Variants in FBXL3 observed in about 807,000 individuals in gnomAD.
The protein encoded by FBXL3 is F-box and leucine rich repeat protein 3.
In FBXL3, 14 loss-of-function variants were observed where a neutral mutation model predicts 37.9. That is an observed-to-expected ratio of 0.37 (90% CI 0.24 to 0.58). The LOEUF (loss-of-function observed/expected upper bound fraction) is 0.58. FBXL3 is among the 20% of genes least tolerant of loss of function. The pLI, the probability that FBXL3 is intolerant of heterozygous loss-of-function variation, is 0.74. For synonymous variants in FBXL3, 194 were observed against 180.1 expected, an observed-to-expected ratio of 1.08 and a Z score of -0.62; for missense variants, 327 against 511.1, an observed-to-expected ratio of 0.64 and a Z score of 3.47.
At chr13:77,019,335 G>A (rs1436784485) in intron 2 of FBXL3, among the ~76,000 whole-genome samples, 2 of 151,502 alleles carry the variant, frequency 1.3e-5, no homozygotes, top group East Asian at 2.0e-4. Flanking sequence ...CCTAAGGGAA[G>A]GATAAAGGGC....
chr13:77,018,350 TTTCTTTTAA>T, intron 3 of FBXL3: 1 of 259,186 alleles, frequency 3.9e-6, no homozygotes, highest in South Asian at 1.5e-4. Context: ...ACTTACTGAA[TTTCTTTTAA>T]TACTTCCTAT....
At position 77,006,738 on chromosome 13, in the gene FBXL3, G is replaced by T; in HGVS notation, c.*407C>A. ...GAGCTATATTAAACACCTTATAACA[G>T]GTGTATGTGTAACTGAAGACCCTAA... On this transcript the variant is annotated 3_prime_UTR_variant, in exon 5 of 5. Coordinates refer to ENST00000355619, the MANE Select transcript of FBXL3 (RefSeq NM_012158.4). 1 of 858,394 alleles carries T rather than the reference G, an allele frequency of 1.2e-6. No individual in the cohort carries two copies. The highest frequency in any genetic ancestry group is 1.4e-6 in the Non-Finnish European group (1 of 708,686). 53.2% of individuals were successfully genotyped at this position (858,394 alleles called of 1,614,324 possible).
At chr13:77,019,397 T>C (rs2034701760) in intron 2 of FBXL3, among the ~76,000 whole-genome samples, 1 of 152,234 alleles carries the variant, frequency 6.6e-6, no homozygotes, top group Non-Finnish European at 1.5e-5. Context: ...AAAAGTTAGT[T>C]GTTTCCTGGG....
In FBXL3 at chr13:77,015,068, A is replaced by C. The variant is rs534409108; in HGVS notation, c.643+341T>G. 37 of 159,926 alleles carry C rather than the reference A, an allele frequency of 2.3e-4. No individual in the cohort carries two copies. The East Asian group carries it at 6.2e-3, about 27-fold the overall frequency. The allele number at this position is 159,926 out of a possible 1,614,324, so 9.9% of individuals were successfully genotyped here. A position where few individuals can be genotyped will look rare whatever the true frequency, so the allele number is the denominator to read the frequency against. ...AATTATGTGACTGCTCTGACTCAAA[A>C]TCTACCCTATTAGCTCAACTACAAT... On this transcript the variant is annotated intron_variant, in intron 4 of 4. Transcript: ENST00000355619.
At position 77,005,693 on chromosome 13, in the gene FBXL3, C is replaced by T. The variant is rs939254027; in HGVS notation, c.*1452G>A. ...TTGCTTTATTCTTAAGAAGGCCATC[C>T]GTTTTAAAAGTAGATCTAAGACTGT... On this transcript the variant is annotated 3_prime_UTR_variant, in exon 5 of 5. Transcript: ENST00000355619. 1 of 151,998 alleles carries T rather than the reference C, an allele frequency of 6.6e-6. No homozygotes were observed. Among genetic ancestry groups the T allele is most frequent in the African/African-American group, 2.4e-5 (1 of 41,396 alleles). The allele number at this position is 151,998 out of a possible 1,614,324, so 9.4% of individuals were successfully genotyped here.
intron 3 of FBXL3, chr13:77,016,007 AAATT>A (rs1303805042): frequency 6.6e-6 from 1 of 152,404 alleles, no homozygotes; most frequent in Non-Finnish European, 1.5e-5. Context: ...CCATCATTAA[AAATT>A]AATAATTTAT....
intron 1 of FBXL3, among the ~76,000 whole-genome samples, chr13:77,025,489 A>G (rs2034820268): frequency 6.6e-6 from 1 of 152,112 alleles, no homozygotes; most frequent in Admixed American, 6.6e-5. Flanking sequence ...TTGGGAGGAC[A>G]AGGCGGGCGG....
rs1458973533 is a variant in FBXL3, at chr13:77,026,835, G to T, written c.-10C>A. 1 of 150,764 alleles carries T rather than the reference G, an allele frequency of 6.6e-6. No individual in the cohort carries two copies. The highest frequency in any genetic ancestry group is 1.5e-5 in the Non-Finnish European group (1 of 67,686). The allele number at this position is 150,764 out of a possible 1,614,324, so 9.3% of individuals were successfully genotyped here. The stretch of plus-strand genomic sequence containing the variant: ...TGCCCCTCCGCCGTTACCTGCTGCC[G>T]GGGGCGGCTTCCCCCACACACCACC... On this transcript the variant is annotated 5_prime_UTR_variant, in exon 1 of 5. Transcript: ENST00000355619.
In FBXL3 at chr13:77,018,705, T is replaced by C. The variant is rs1371101086; in HGVS notation, c.366A>G (p.Glu122=). 2 of 1,584,528 alleles carry C rather than the reference T, an allele frequency of 1.3e-6. No individual in the cohort carries two copies. Among genetic ancestry groups the C allele is most frequent in the South Asian group, 2.4e-5 (2 of 84,720 alleles). Residue 122 remains glutamate, a synonymous_variant, in exon 3 of 5, where the codon GAA becomes GAG. Coordinates refer to ENST00000355619, the MANE Select transcript of FBXL3 (RefSeq NM_012158.4). The part of the protein sequence containing the change: ...YVSFKVDSSK[E]SAEAACDILS... ...GTATATCACAAGCTGCTTCAGCTGA[T>C]TCCTTGCTGCTGTCCACCTTAGAAA...
At chr13:77,019,414 C>T (rs1477270774) in intron 2 of FBXL3, among the ~76,000 whole-genome samples, 1 of 152,090 alleles carries the variant, frequency 6.6e-6, no homozygotes, top group African/African-American at 2.4e-5. Flanking sequence ...TGGGAAGCAC[C>T]TTAAAACAGT....
intron 1 of FBXL3, among the ~76,000 whole-genome samples, chr13:77,023,010 C>G (rs539834674): frequency 6.6e-6 from 1 of 152,100 alleles, no homozygotes; most frequent in Non-Finnish European, 1.5e-5. Context: ...AGGGGAGATA[C>G]GACTGTTGAA....
At chr13:77,011,094 C>T (rs2034542894) in intron 4 of FBXL3, 1 of 152,254 alleles carries the variant, frequency 6.6e-6, no homozygotes, top group Admixed American at 6.5e-5. Flanking sequence ...AATCCCAGCA[C>T]TTTGGGAGGC....
At chr13:77,015,740 T>C (rs2034631626) in intron 3 of FBXL3, 160 bp from the exon 4 acceptor site, 1 of 414,468 alleles carries the variant, frequency 2.4e-6, no homozygotes, top group East Asian at 3.8e-5. Flanking sequence ...GGGAATATGG[T>C]AAAAATAGGT....
intron 2 of FBXL3, among the ~76,000 whole-genome samples, chr13:77,019,512 A>G (rs1040078872): frequency 6.6e-6 from 1 of 152,216 alleles, no homozygotes. Context: ...TGTGCTAATT[A>G]TATTAGTTTC....
chr13:77,021,434 G>A, intron 2 of FBXL3, 79 bp downstream of exon 2: 1 of 1,059,022 alleles, frequency 9.4e-7, no homozygotes, highest in South Asian at 1.7e-5. Flanking sequence ...TATTTTAAAG[G>A]CATGAGAAGA....
At position 77,018,671 on chromosome 13, in the gene FBXL3, G is replaced by T; in HGVS notation, c.400C>A (p.Leu134Ile). ...AGTGTTTTTAAAGAGCAATTCACAA[G>T]TTGCGATAGTATATCACAAGCTGCT... ...AEAACDILSQ[L>I]VNCSLKTLGL... The change falls in exon 3 of 5, where the codon CTT (leucine) becomes ATT (isoleucine). Residue 134 changes from leucine to isoleucine, a missense_variant. Physicochemically the swap from Leu to Ile is conservative, Grantham distance 5 (BLOSUM62 2). Transcript: ENST00000355619. 1 of 1,595,218 alleles carries T rather than the reference G, an allele frequency of 6.3e-7. No homozygotes were observed. The highest frequency in any genetic ancestry group is 8.5e-7 in the Non-Finnish European group (1 of 1,171,366).
chr13:77,026,213 G>A (rs1004709003), intron 1 of FBXL3: 1 of 985,266 alleles, frequency 1.0e-6, no homozygotes, highest in Non-Finnish European at 1.2e-6. Flanking sequence ...GCTGCTTCCT[G>A]ACCCCTGTCT....
intron 4 of FBXL3, chr13:77,010,617 A>T (rs916746107): frequency 2.0e-5 from 3 of 152,234 alleles, no homozygotes; most frequent in Non-Finnish European, 4.4e-5. Context: ...GGGCCAAAAA[A>T]GAAAAATCAC....
In FBXL3 at chr13:77,006,744, T is replaced by G; in HGVS notation, c.*401A>C. ...TATTAAACACCTTATAACAGGTGTATGTGTAACTGAAGACCCTAAAATGTC... is the reference window on the plus strand; with the variant it reads ...TATTAAACACCTTATAACAGGTGTAGGTGTAACTGAAGACCCTAAAATGTC... On this transcript the variant is annotated 3_prime_UTR_variant, in exon 5 of 5. Coordinates refer to ENST00000355619, the MANE Select transcript of FBXL3 (RefSeq NM_012158.4). 2.2e-6 allele frequency: 2 copies of G among 902,018 alleles called. No homozygotes were observed. The highest frequency in any genetic ancestry group is 2.7e-6 in the Non-Finnish European group (2 of 746,660). The allele number at this position is 902,018 out of a possible 1,614,324, so 55.9% of individuals were successfully genotyped here.
Sources: gnomAD v4.1 joint callset for allele counts (sites outside exome capture counted in the v4.1 genomes callset) on GRCh38, gnomAD v4.1.1 for gene constraint, MANE v1.5 for transcripts, NCBI Gene and HGNC (gene_info 2026-07-23, HGNC 2026-07-21) for gene names.